The following NUDCD3 variants were observed in gnomAD, a reference collection of about 807,000 sequenced individuals.
NUDCD3 encodes NudC domain containing 3.
Under a neutral mutation model 39.7 loss-of-function variants are expected in NUDCD3, and 13 were observed. That is an observed-to-expected ratio of 0.33 (90% CI 0.21 to 0.52). The LOEUF (loss-of-function observed/expected upper bound fraction) is 0.52, where lower values mean the gene tolerates loss of function less well. NUDCD3 is among the 20% of genes least tolerant of loss of function. The pLI is 0.96. For missense variants in NUDCD3, 453 were observed against 458.1 expected, an observed-to-expected ratio of 0.99 and a Z score of 0.10; for synonymous variants, 175 against 172.4, an observed-to-expected ratio of 1.02 and a Z score of -0.12.
intron 2 of NUDCD3, among the ~76,000 whole-genome samples, chr7:44,436,384 T>C (rs1275568587): frequency 6.6e-6 from 1 of 152,244 alleles, no homozygotes; most frequent in East Asian, 1.9e-4. Context: ...TTCATTATGC[T>C]ATTCCCTCCT....
chr7:44,427,445 G>A (rs991786979), intron 3 of NUDCD3, 126 bp downstream of exon 3: 31 of 1,041,084 alleles, frequency 3.0e-5, no homozygotes, highest in Non-Finnish European at 4.3e-5. Flanking sequence ...GAGGGCAGGA[G>A]AAGGAACACA....
At chr7:44,454,383 G>C (rs1200259155) in intron 2 of NUDCD3, among the ~76,000 whole-genome samples, 2 of 152,104 alleles carry the variant, frequency 1.3e-5, no homozygotes, top group African/African-American at 4.8e-5. Flanking sequence ...CAAAATAGTT[G>C]GCAAAGAGCA....
At position 44,484,978 on chromosome 7, in the gene NUDCD3, T is replaced by A. The variant is rs34435177; in HGVS notation, c.499A>T (p.Ile167Phe). 6.3e-7 allele frequency: 1 copy of A among 1,598,392 alleles called. No homozygotes were observed. Among genetic ancestry groups the A allele is most frequent in the African/African-American group, 1.3e-5 (1 of 74,364 alleles). ...GAAEVPREPP[I>F]LPRIQEQFQK... ...AGTAGAAATTCCCACCTGGGAAGAA[T>A]TGGTGGTTCCCTAGGGACTTCAGCA... The change falls in exon 2 of 6, where the codon ATT becomes TTT. Residue 167 changes from isoleucine (I) to phenylalanine (F), a missense_variant. Ile to Phe is a conservative substitution (Grantham distance 21). Transcript: ENST00000355451.
intron 3 of NUDCD3, among the ~76,000 whole-genome samples, chr7:44,418,157 G>A (rs188996320): frequency 4.2e-4 from 64 of 152,290 alleles, no homozygotes; most frequent in Non-Finnish European, 8.2e-4. Flanking sequence ...CACAGGACAG[G>A]AGGGCCAGAG....
intron 4 of NUDCD3, among the ~76,000 whole-genome samples, chr7:44,394,360 C>T (rs879632338): frequency 2.6e-5 from 4 of 152,186 alleles, no homozygotes; most frequent in Non-Finnish European, 5.9e-5. Flanking sequence ...TTGTCGTTGA[C>T]TTTACAGTTT....
intron 2 of NUDCD3, among the ~76,000 whole-genome samples, chr7:44,462,957 G>A (rs1179723182): frequency 2.0e-5 from 3 of 149,702 alleles, no homozygotes; most frequent in African/African-American, 5.0e-5. Flanking sequence ...GTGTGTGTGT[G>A]TGTGTGTGTG....
At position 44,392,427 on chromosome 7, in the gene NUDCD3, G is replaced by A. The variant is rs970049066; in HGVS notation, c.845C>T (p.Pro282Leu). The A allele has an allele frequency of 1.2e-6, 2 of 1,613,940 alleles. No homozygotes were observed. The highest frequency in any genetic ancestry group is 2.7e-5 in the African/African-American group (2 of 74,878). ...WWNAILEGEE[P>L]IDIDKINKER... is the part of the protein sequence containing the mutation. The stretch of plus-strand genomic sequence containing the variant: ...CTTGTTGATCTTGTCAATGTCGATG[G>A]GCTCTTCTCCCTCCAGGATGGCGTT... Residue 282 changes from proline to leucine, a missense_variant, in exon 5 of 6, where the codon CCC becomes CTC. Transcript: ENST00000355451.
At chr7:44,442,189 A>C (rs980213171) in intron 2 of NUDCD3, among the ~76,000 whole-genome samples, 11 of 152,320 alleles carry the variant, frequency 7.2e-5, no homozygotes, top group Middle Eastern at 3.4e-3. Flanking sequence ...ATTAATACAA[A>C]TAATATTGTT....
chr7:44,445,292 A>G (rs949276659), intron 2 of NUDCD3, among the ~76,000 whole-genome samples: 1 of 151,850 alleles, frequency 6.6e-6, no homozygotes, highest in Admixed American at 6.6e-5. Context: ...CTGAGCAAAC[A>G]CTCTTGAGTT....
intron 2 of NUDCD3, among the ~76,000 whole-genome samples, chr7:44,428,785 T>C (rs774970783): frequency 1.3e-5 from 2 of 152,238 alleles, no homozygotes; most frequent in Non-Finnish European, 1.5e-5. Flanking sequence ...AAGTCCATTA[T>C]AGTGAACTGA....
At chr7:44,443,783 G>A (rs1799638254) in intron 2 of NUDCD3, among the ~76,000 whole-genome samples, 1 of 152,134 alleles carries the variant, frequency 6.6e-6, no homozygotes. Context: ...GTGAAGACCT[G>A]GGGCCCAGGT....
chr7:44,421,595 G>T (rs1297488295), intron 3 of NUDCD3, among the ~76,000 whole-genome samples: 1 of 151,806 alleles, frequency 6.6e-6, no homozygotes, highest in Non-Finnish European at 1.5e-5. Flanking sequence ...AATGGTAAAG[G>T]GATCAATGAA....
At chr7:44,473,043 T>C (rs1353429648) in intron 2 of NUDCD3, among the ~76,000 whole-genome samples, 1 of 152,190 alleles carries the variant, frequency 6.6e-6, no homozygotes, top group Non-Finnish European at 1.5e-5. Flanking sequence ...TCATTTGTGA[T>C]GCTGGCACAC....
intron 2 of NUDCD3, among the ~76,000 whole-genome samples, chr7:44,429,669 G>C (rs1799313714): frequency 6.6e-6 from 1 of 152,174 alleles, no homozygotes; most frequent in Admixed American, 6.5e-5. Flanking sequence ...ATTCAGCACT[G>C]AATATTGGCA....
intron 4 of NUDCD3, among the ~76,000 whole-genome samples, chr7:44,401,688 G>A (rs2116871425): frequency 6.6e-6 from 1 of 152,310 alleles, no homozygotes; most frequent in South Asian, 2.1e-4. Context: ...GTGTTCACGG[G>A]CAGTGACAGG....
At chr7:44,461,702 A>G (rs1441807178) in intron 2 of NUDCD3, among the ~76,000 whole-genome samples, 4 of 152,108 alleles carry the variant, frequency 2.6e-5, no homozygotes, top group Non-Finnish European at 2.9e-5. Context: ...CCTCAGCCAT[A>G]ATGGTTGAAA....
At chr7:44,407,336 C>A (rs185792897) in intron 3 of NUDCD3, among the ~76,000 whole-genome samples, 3 of 151,394 alleles carry the variant, frequency 2.0e-5, no homozygotes, top group Admixed American at 2.0e-4. Flanking sequence ...GAGGCCGAGG[C>A]AGGCAGATCA....
At chr7:44,398,525 C>A (rs769903467) in intron 4 of NUDCD3, among the ~76,000 whole-genome samples, 13 of 152,124 alleles carry the variant, frequency 8.5e-5, no homozygotes, top group Non-Finnish European at 1.5e-4. Context: ...TCTGAGGGAC[C>A]CCAGACTGCA....
chr7:44,486,805 C>T (rs1428033029), intron 1 of NUDCD3, among the ~76,000 whole-genome samples: 1 of 152,188 alleles, frequency 6.6e-6, no homozygotes, highest in Non-Finnish European at 1.5e-5. Flanking sequence ...TCTGCTCACT[C>T]AGTACATCCA....
Sources: gnomAD v4.1 joint callset for allele counts (sites outside exome capture counted in the v4.1 genomes callset) on GRCh38, gnomAD v4.1.1 for gene constraint, MANE v1.5 for transcripts, NCBI Gene and HGNC (gene_info 2026-07-23, HGNC 2026-07-21) for gene names.